The following ARHGAP42 variants were observed in gnomAD, a reference collection of about 807,000 sequenced individuals.
The protein encoded by ARHGAP42 is rho GTPase-activating protein 42.
In ARHGAP42, 63 loss-of-function variants were observed where a neutral mutation model predicts 125.0. The ratio of observed to expected loss-of-function variants is 0.50; its 90% CI spans 0.41 to 0.62. ARHGAP42 has a LOEUF of 0.62. Ranked by LOEUF, ARHGAP42 falls within the 20% of genes least tolerant of loss-of-function variation. The pLI is 0.00. For missense variants in ARHGAP42, 766 were observed against 1,024.2 expected, an observed-to-expected ratio of 0.75 and a Z score of 3.44; for synonymous variants, 339 against 351.0, an observed-to-expected ratio of 0.97 and a Z score of 0.38.
intron 4 of ARHGAP42, among the ~76,000 whole-genome samples, chr11:100,895,760 T>C (rs1866339216): frequency 6.6e-6 from 1 of 152,162 alleles, no homozygotes; most frequent in African/African-American, 2.4e-5. Context: ...TTCTCTATTC[T>C]TAGCAGCCGT....
At chr11:100,873,411 C>G (rs1223567779) in intron 4 of ARHGAP42, among the ~76,000 whole-genome samples, 1 of 152,104 alleles carries the variant, frequency 6.6e-6, no homozygotes, top group Non-Finnish European at 1.5e-5. Flanking sequence ...TAAAAAAATG[C>G]TGATTCTAAC....
At chr11:100,983,755 G>T (rs1404266571) in intron 22 of ARHGAP42, among the ~76,000 whole-genome samples, 1 of 152,160 alleles carries the variant, frequency 6.6e-6, no homozygotes, top group Non-Finnish European at 1.5e-5. Context: ...TAGCATTGAG[G>T]CATTCAGTAT....
At chr11:100,937,805 C>T (rs900661277) in intron 8 of ARHGAP42, among the ~76,000 whole-genome samples, 2 of 152,268 alleles carry the variant, frequency 1.3e-5, no homozygotes, top group Non-Finnish European at 2.9e-5. Flanking sequence ...ATATCATATT[C>T]GGTCCTACTT....
chr11:100,905,664 G>T (rs766105849), intron 4 of ARHGAP42, among the ~76,000 whole-genome samples: 3 of 152,134 alleles, frequency 2.0e-5, no homozygotes, highest in South Asian at 2.1e-4. Flanking sequence ...CTGTTTCCAA[G>T]TACAAGGATA....
intron 1 of ARHGAP42, among the ~76,000 whole-genome samples, chr11:100,730,863 A>AAT (rs1861945250): frequency 6.6e-6 from 1 of 152,236 alleles, no homozygotes; most frequent in Non-Finnish European, 1.5e-5. Context: ...GATTGTACTG[A>AAT]ATATGGTAGA....
intron 8 of ARHGAP42, among the ~76,000 whole-genome samples, chr11:100,941,164 G>A (rs1867874430): frequency 6.6e-6 from 1 of 152,072 alleles, no homozygotes; most frequent in Non-Finnish European, 1.5e-5. Context: ...AAATGCCCTT[G>A]GGTAGGAATG....
chr11:100,758,437 A>G lies in ARHGAP42; in HGVS notation c.155-11906A>G, dbSNP rs1353082245. 2.0e-5 allele frequency among the ~76,000 whole-genome samples: 3 copies of G among 150,872 alleles called. No homozygotes were observed. In the East Asian group the frequency reaches 6.2e-4, roughly 31 times the overall value. On this transcript the variant is annotated intron_variant, in intron 1 of 23. Transcript: ENST00000298815. ...TGCTAAACAGCTGAGATGAAAATGC[A>G]CTTAAGTAAATGATCAATTTACCTT...
intron 2 of ARHGAP42, among the ~76,000 whole-genome samples, chr11:100,774,746 A>C (rs61890767): frequency 0.28 from 42,108 of 152,046 alleles, 6,301 homozygotes; most frequent in African/African-American, 0.36. Context: ...TATCAGTATA[A>C]TTGCCTAATT....
intron 4 of ARHGAP42, among the ~76,000 whole-genome samples, chr11:100,880,627 T>G (rs571049852): frequency 5.9e-5 from 9 of 152,244 alleles, no homozygotes; most frequent in Non-Finnish European, 8.8e-5. Context: ...GTGGGATTGC[T>G]GGATCAAATG....
At chr11:100,779,582 A>ATACG (rs1565210827) in intron 2 of ARHGAP42, among the ~76,000 whole-genome samples, 8 of 98,248 alleles carry the variant, frequency 8.1e-5, no homozygotes, top group African/African-American at 2.4e-4. Flanking sequence ...GTATATATAC[A>ATACG]TATATACGTG....
intron 1 of ARHGAP42, among the ~76,000 whole-genome samples, chr11:100,740,875 G>T (rs1342225764): frequency 6.6e-6 from 1 of 152,100 alleles, no homozygotes; most frequent in Non-Finnish European, 1.5e-5. Context: ...AATAAAGAGG[G>T]TATCTGTGGT....
In ARHGAP42 at chr11:100,687,510, G is replaced by A. The variant is rs1861103305; in HGVS notation, c.-169G>A. The A allele has an allele frequency of 2.8e-6, 1 of 360,200 alleles. No individual in the cohort carries two copies. The highest frequency in any genetic ancestry group is 2.2e-5 in the African/African-American group (1 of 45,894). 22.3% of individuals were successfully genotyped at this position (360,200 alleles called of 1,614,324 possible). A position where few individuals can be genotyped will look rare whatever the true frequency, so the allele number is the denominator to read the frequency against. On this transcript the variant is annotated 5_prime_UTR_variant, in exon 1 of 24. Transcript: ENST00000298815. ...TCGGGGGAGGAAGACTGAGCCCGGCGCAGGCGGCGCGGCGCTCGGGGCCCG... is the reference window on the plus strand; with the variant it reads ...TCGGGGGAGGAAGACTGAGCCCGGCACAGGCGGCGCGGCGCTCGGGGCCCG...
intron 1 of ARHGAP42, among the ~76,000 whole-genome samples, chr11:100,768,313 A>G (rs1862881596): frequency 7.2e-6 from 1 of 138,646 alleles, no homozygotes; most frequent in Non-Finnish European, 1.6e-5. Context: ...GAAAATGACT[A>G]AGGAGACATC....
chr11:100,953,231 C>T (rs1857712636), intron 12 of ARHGAP42, among the ~76,000 whole-genome samples: 1 of 152,052 alleles, frequency 6.6e-6, no homozygotes, highest in African/African-American at 2.4e-5. Context: ...AAACCAGTAC[C>T]AGCCCTAACT....
At chr11:100,921,973 G>A (rs966594186) in intron 6 of ARHGAP42, among the ~76,000 whole-genome samples, 2 of 151,872 alleles carry the variant, frequency 1.3e-5, no homozygotes, top group Non-Finnish European at 2.9e-5. Flanking sequence ...AGCTGTTGGC[G>A]GGAGGGGGGT....
At chr11:100,869,387 G>A (rs1865647559) in intron 4 of ARHGAP42, among the ~76,000 whole-genome samples, 1 of 147,224 alleles carries the variant, frequency 6.8e-6, no homozygotes, top group South Asian at 2.3e-4. Flanking sequence ...ATCCTTTAAA[G>A]GAATGTAAAT....
chr11:100,943,656 C>A lies in ARHGAP42; in HGVS notation c.934-103C>A, dbSNP rs566305094. On this transcript the variant is annotated intron_variant, in intron 9 of 23. Coordinates refer to ENST00000298815, the MANE Select transcript of ARHGAP42 (RefSeq NM_152432.4). Reference sequence around the variant, plus strand: ...TATGATTGTGACCTTTATACATAACCTATACTGTTAAACATTTTAATGTGG... The same window carrying A: ...TATGATTGTGACCTTTATACATAACATATACTGTTAAACATTTTAATGTGG... 42 of 750,424 alleles carry A rather than the reference C, an allele frequency of 5.6e-5. 1 individual carries two copies. Among genetic ancestry groups the A allele is most frequent in the Middle Eastern group, 2.4e-4 (1 of 4,228 alleles). The allele number at this position is 750,424 out of a possible 1,614,324, so 46.5% of individuals were successfully genotyped here.
chr11:100,900,853 A>T (rs1189197637), intron 4 of ARHGAP42, among the ~76,000 whole-genome samples: 2 of 152,010 alleles, frequency 1.3e-5, no homozygotes, highest in African/African-American at 2.4e-5. Flanking sequence ...TAGCTCAGAG[A>T]AGTTCGTTAT....
At chr11:100,856,318 T>A (rs1283559051) in intron 3 of ARHGAP42, among the ~76,000 whole-genome samples, 1 of 152,102 alleles carries the variant, frequency 6.6e-6, no homozygotes, top group African/African-American at 2.4e-5. Context: ...AGTAACTCTT[T>A]TAATCCTACC....
Sources: allele counts gnomAD v4.1 joint callset (sites outside exome capture counted in the v4.1 genomes callset), GRCh38; gene constraint gnomAD v4.1.1; transcripts MANE v1.5; gene names NCBI Gene and HGNC (gene_info 2026-07-23, HGNC 2026-07-21).